The following AMD1 variants were observed in gnomAD, a reference collection of about 807,000 sequenced individuals.
AMD1 encodes S-adenosylmethionine decarboxylase proenzyme.
Under a neutral mutation model 40.2 loss-of-function variants are expected in AMD1, and 11 were observed. That is an observed-to-expected ratio of 0.27 (90% CI 0.17 to 0.45). AMD1 has a LOEUF of 0.45. Among genes scored for constraint, AMD1 ranks in the 20% least tolerant of loss-of-function variants. The pLI, the probability that AMD1 is intolerant of heterozygous loss-of-function variation, is 1.00. For missense variants in AMD1, 257 were observed against 410.2 expected (o/e 0.63, Z 3.23); for synonymous variants, 121 against 130.8 (o/e 0.93, Z 0.51).
In AMD1 at chr6:110,890,372, A is replaced by G. The variant is rs1242753749; in HGVS notation, c.427+16A>G. ...ATTTTCCCAAGTAAGTTTAAATAAA[A>G]TATAAACCTGTTGTCTTCTTAAAGA... On this transcript the variant is annotated intron_variant, in intron 4 of 8. Coordinates refer to ENST00000368885, the MANE Select transcript of AMD1 (RefSeq NM_001634.6). 1.3e-6 allele frequency: 2 copies of G among 1,532,280 alleles called. No homozygotes were observed. Among genetic ancestry groups the G allele is most frequent in the Non-Finnish European group, 1.8e-6 (2 of 1,125,298 alleles). The allele number at this position is 1,532,280 out of a possible 1,614,324, so 94.9% of individuals were successfully genotyped here. A position where few individuals can be genotyped will look rare whatever the true frequency, so the allele number is the denominator to read the frequency against.
At chr6:110,815,013 CT>C in the AMD1 span, 1 of 1,604,248 alleles carries the variant, frequency 6.2e-7, no homozygotes, top group Non-Finnish European at 8.5e-7. Flanking sequence ...TCTTACCCAT[CT>C]TTCCGCCTCG....
the AMD1 span, among the ~76,000 whole-genome samples, chr6:110,831,455 T>C: frequency 1.3e-5 from 2 of 150,682 alleles, no homozygotes; most frequent in Admixed American, 1.3e-4. Flanking sequence ...AAAAAAAAAG[T>C]ATTTTTATTA....
chr6:110,829,330 G>A, the AMD1 span, among the ~76,000 whole-genome samples: 3 of 149,792 alleles, frequency 2.0e-5, no homozygotes, highest in Non-Finnish European at 4.4e-5. Flanking sequence ...CCAGGACTTC[G>A]AGAACAGCCT....
chr6:110,874,638 C>G (rs1031736382), upstream of AMD1: 3 of 155,554 alleles, frequency 1.9e-5, no homozygotes, highest in African/African-American at 7.2e-5. Context: ...CGCTCTCCGC[C>G]AGGCCCTCGG....
chr6:110,893,003 A>G lies in AMD1; in HGVS notation c.802A>G (p.Ile268Val), dbSNP rs11549417. 1 of 1,614,010 alleles carries G rather than the reference A, an allele frequency of 6.2e-7. No individual in the cohort carries two copies. Among genetic ancestry groups the G allele is most frequent in the South Asian group, 1.1e-5 (1 of 91,046 alleles). Residue 268 changes from isoleucine to valine, a missense_variant, in exon 8 of 9, where the codon ATC becomes GTC. Coordinates refer to ENST00000368885, the MANE Select transcript of AMD1 (RefSeq NM_001634.6). ...AAGTCAGACCTCCTATGATGACCTG[A>G]TCAGGAAAGTTGTAGAAGTCTTCAA... ...NLSQTSYDDL[I>V]RKVVEVFKPG...
chr6:110,889,113 T>C, intron 3 of AMD1, 130 bp downstream of exon 3: 1 of 1,071,480 alleles, frequency 9.3e-7, no homozygotes, highest in East Asian at 2.8e-5. Flanking sequence ...GGTAAGGTGT[T>C]CATACCTTAG....
intron 2 of AMD1, chr6:110,888,161 A>T (rs189165249): frequency 6.6e-6 from 1 of 152,252 alleles, no homozygotes; most frequent in East Asian, 1.9e-4. Context: ...AGGGAAAGTT[A>T]GCTTCTCTAT....
chr6:110,835,957 G>A, the AMD1 span, among the ~76,000 whole-genome samples: 53 of 146,588 alleles, frequency 3.6e-4, no homozygotes, highest in African/African-American at 1.3e-3. Flanking sequence ...AGGCTGCAGG[G>A]AGCCGTGATT....
At chr6:110,816,457 C>G in the AMD1 span, among the ~76,000 whole-genome samples, 1 of 152,208 alleles carries the variant, frequency 6.6e-6, no homozygotes, top group Admixed American at 6.6e-5. Flanking sequence ...AAATACGCCA[C>G]TCTGGCATAT....
At chr6:110,848,640 A>G in the AMD1 span, 1 of 564,842 alleles carries the variant, frequency 1.8e-6, no homozygotes, top group Non-Finnish European at 2.9e-6. Context: ...CTCATTGTTC[A>G]GTATGAGTTT....
chr6:110,842,909 T>C, the AMD1 span, among the ~76,000 whole-genome samples: 1 of 151,844 alleles, frequency 6.6e-6, no homozygotes, highest in African/African-American at 2.4e-5. Flanking sequence ...CCGAGGGGGA[T>C]GGATCACAAG....
chr6:110,814,980 G>A, the AMD1 span: 10 of 1,597,812 alleles, frequency 6.3e-6, no homozygotes, highest in South Asian at 1.1e-5. Context: ...GGACCCGAGC[G>A]AGCCTACTCC....
chr6:110,881,534 C>T (rs1039323371), intron 1 of AMD1, among the ~76,000 whole-genome samples: 50 of 152,076 alleles, frequency 3.3e-4, no homozygotes, highest in African/African-American at 1.2e-3. Context: ...TCGGGCCAGG[C>T]ATGGTGGTGC....
chr6:110,839,522 G>A, the AMD1 span, among the ~76,000 whole-genome samples: 1,885 of 152,234 alleles, frequency 0.012, 36 homozygotes, highest in African/African-American at 0.043. Context: ...CTGGGAGGCC[G>A]AGGCAGGAGA....
rs1786240304 is a variant in AMD1, at chr6:110,895,222, G to C, written c.*1606G>C. On this transcript the variant is annotated 3_prime_UTR_variant, in exon 9 of 9. Coordinates refer to ENST00000368885, the MANE Select transcript of AMD1 (RefSeq NM_001634.6). Reference sequence around the variant, plus strand: ...GTGTTTCTAAACCTAAAATCTACTTGGTTTGAAATCAAGTGGTTGGAACAC... The same window carrying C: ...GTGTTTCTAAACCTAAAATCTACTTCGTTTGAAATCAAGTGGTTGGAACAC... 1 of 152,086 alleles carries C rather than the reference G, an allele frequency of 6.6e-6. No individual in the cohort carries two copies. Among genetic ancestry groups the C allele is most frequent in the Non-Finnish European group, 1.5e-5 (1 of 68,000 alleles). The allele number at this position is 152,086 out of a possible 1,614,324, so 9.4% of individuals were successfully genotyped here.
rs1440353912 is a variant in AMD1 at position 110,895,291 on chromosome 6, T to C, written c.*1675T>C. 4 of 152,168 alleles carry C rather than the reference T, an allele frequency of 2.6e-5. No homozygotes were observed. The highest frequency in any genetic ancestry group is 9.7e-5 in the African/African-American group (4 of 41,446). The allele number at this position is 152,168 out of a possible 1,614,324, so 9.4% of individuals were successfully genotyped here. A position where few individuals can be genotyped will look rare whatever the true frequency, so the allele number is the denominator to read the frequency against. On this transcript the variant is annotated 3_prime_UTR_variant, in exon 9 of 9. Transcript: ENST00000368885. ...AGCATGTTGTTGATTGAAAATTTCA[T>C]TGAGGAAGTTTTCAATCAGTGTGAT...
the AMD1 span, among the ~76,000 whole-genome samples, chr6:110,861,806 C>T: frequency 5.9e-5 from 9 of 152,072 alleles, no homozygotes; most frequent in Non-Finnish European, 1.2e-4. Context: ...TGCGCCACTG[C>T]ACTCCAGCCA....
At chr6:110,859,470 T>A in the AMD1 span, among the ~76,000 whole-genome samples, 47 of 152,336 alleles carry the variant, frequency 3.1e-4, no homozygotes, top group African/African-American at 1.1e-3. Context: ...CCCGAAGGTT[T>A]CCGGTTCCCT....
chr6:110,860,079 G>A, the AMD1 span, among the ~76,000 whole-genome samples: 3 of 152,094 alleles, frequency 2.0e-5, no homozygotes, highest in African/African-American at 7.2e-5. Context: ...CGCCCACCTT[G>A]GCCTCCCCAA....
Sources: gnomAD v4.1 joint callset for allele counts (sites outside exome capture counted in the v4.1 genomes callset) on GRCh38, gnomAD v4.1.1 for gene constraint, MANE v1.5 for transcripts, NCBI Gene and HGNC (gene_info 2026-07-23, HGNC 2026-07-21) for gene names.